The following ADAM12 variants were observed in gnomAD, a reference collection of about 807,000 sequenced individuals.
The protein encoded by ADAM12 is disintegrin and metalloproteinase domain-containing protein 12.
In ADAM12, 70 loss-of-function variants were observed where a neutral mutation model predicts 106.4. That is an observed-to-expected ratio of 0.66 (90% CI 0.54 to 0.80). The LOEUF is 0.80. ADAM12 is among the 30% of genes least tolerant of loss of function. The probability of loss-of-function intolerance (pLI) is 0.00; values close to 1 mark genes in which losing one functional copy is unlikely to be tolerated. For missense variants in ADAM12, 1,010 were observed against 1,171.9 expected (o/e 0.86, Z 2.02); for synonymous variants, 420 against 433.5 (o/e 0.97, Z 0.39).
At chr10:126,117,967 G>A in intron 6 of ADAM12, 71 bp downstream of exon 6, 1 of 1,523,576 alleles carries the variant, frequency 6.6e-7, no homozygotes, top group Non-Finnish European at 9.0e-7. Flanking sequence ...TTCTCCAGAT[G>A]TCCTAGTGTG....
At chr10:126,227,881 G>C (rs534473279) in intron 3 of ADAM12, among the ~76,000 whole-genome samples, 1 of 152,176 alleles carries the variant, frequency 6.6e-6, no homozygotes, top group Non-Finnish European at 1.5e-5. Context: ...AGTGAGGAGG[G>C]AGCTGAGTCA....
chr10:126,129,988 T>C (rs768642629), intron 5 of ADAM12, among the ~76,000 whole-genome samples: 2 of 152,194 alleles, frequency 1.3e-5, no homozygotes, highest in African/African-American at 4.8e-5. Flanking sequence ...TGTGATCCTG[T>C]GTTTTTGAAG....
chr10:126,016,107 A>G lies in ADAM12; in HGVS notation c.*1172T>C, dbSNP rs1043324724. On this transcript the variant is annotated 3_prime_UTR_variant, in exon 23 of 23. Transcript: ENST00000448723. ...AAGATTCCTGCAGCCAAGTTGGAAA[A>G]AGAGGATGCCCCATAGAGAAGGTTC... 3 of 152,196 alleles carry G rather than the reference A, an allele frequency of 2.0e-5. No individual in the cohort carries two copies. The highest frequency in any genetic ancestry group is 7.2e-5 in the African/African-American group (3 of 41,448). 9.4% of individuals were successfully genotyped at this position (152,196 alleles called of 1,614,324 possible).
chr10:126,135,699 C>T, intron 4 of ADAM12, 39 bp from the exon 5 acceptor site: 1 of 1,573,024 alleles, frequency 6.4e-7, no homozygotes, highest in Non-Finnish European at 8.7e-7. Flanking sequence ...TCAGTTATAA[C>T]ACATTTTTGC....
Position 126,049,561 on chromosome 10 carries a change from C to T in ADAM12, c.1718G>A (p.Arg573Lys). Reference protein sequence around the residue: ...SKSSFAKCEMRDAKCGKIQCQ... With the variant: ...SKSSFAKCEMKDAKCGKIQCQ... ...TTGCCAGGATGTCTGGATTCCATAC[C>T]TCATCTCGCATTTGGCAAAGGAACT... The change falls in exon 15 of 23, where the codon AGA becomes AAA. Residue 573 changes from arginine to lysine, a missense_variant and splice_region_variant. Arg to Lys is a conservative substitution (Grantham distance 26, BLOSUM62 2). This residue lies in a region of ADAM12 where 615 missense variants were observed against 708.5 expected (regional missense o/e 0.87). Coordinates refer to ENST00000448723, the MANE Select transcript of ADAM12 (RefSeq NM_001288973.2). This position sits in a 1 kb window ranked among gnomAD's most constrained non-coding sequence, Gnocchi z 4.4. The T allele has an allele frequency of 6.2e-7, 1 of 1,614,146 alleles. No individual in the cohort carries two copies. The highest frequency in any genetic ancestry group is 8.5e-7 in the Non-Finnish European group (1 of 1,179,998).
intron 3 of ADAM12, 143 bp downstream of exon 3, chr10:126,278,768 GTTAA>G (rs2133753524): frequency 1.7e-6 from 1 of 583,560 alleles, no homozygotes; most frequent in South Asian, 2.8e-5. Flanking sequence ...ATTTTTTAAA[GTTAA>G]TTCTCACCTC....
At chr10:126,151,716 TA>T (rs1177218829) in intron 4 of ADAM12, among the ~76,000 whole-genome samples, 1 of 151,956 alleles carries the variant, frequency 6.6e-6, no homozygotes, top group Non-Finnish European at 1.5e-5. Context: ...TTTTTGTCAG[TA>T]AATATTAAAA....
intron 14 of ADAM12, among the ~76,000 whole-genome samples, chr10:126,054,125 C>T (rs1954574437): frequency 1.3e-5 from 2 of 152,160 alleles, no homozygotes; most frequent in African/African-American, 4.8e-5. Context: ...GTTCAAGTAC[C>T]CACTCTTCCA....
chr10:126,133,894 AC>A (rs1956356007), intron 5 of ADAM12, among the ~76,000 whole-genome samples: 1 of 151,544 alleles, frequency 6.6e-6, no homozygotes, highest in Non-Finnish European at 1.5e-5. Flanking sequence ...CTCCTTCCGA[AC>A]CTCCCTGACT....
chr10:126,270,604 TG>T (rs991276646), intron 3 of ADAM12, among the ~76,000 whole-genome samples: 22 of 152,310 alleles, frequency 1.4e-4, no homozygotes, highest in Middle Eastern at 3.4e-3. Context: ...TAGCAGAATG[TG>T]TTAAAAATAT....
At chr10:126,356,574 T>A (rs1855549583) in intron 1 of ADAM12, among the ~76,000 whole-genome samples, 1 of 152,072 alleles carries the variant, frequency 6.6e-6, no homozygotes, top group South Asian at 2.1e-4. Context: ...TGCAAGAACA[T>A]AGCATTACAA....
intron 11 of ADAM12, among the ~76,000 whole-genome samples, chr10:126,077,912 C>T (rs780433097): frequency 2.0e-5 from 3 of 152,104 alleles, no homozygotes; most frequent in Non-Finnish European, 4.4e-5. Context: ...AGACACAGAA[C>T]TAAGTATGGA....
chr10:126,125,323 C>A (rs113483232), intron 5 of ADAM12, among the ~76,000 whole-genome samples: 4,100 of 149,482 alleles, frequency 0.027, 70 homozygotes, highest in Middle Eastern at 0.062. Flanking sequence ...CAGCTCACTG[C>A]AACCTCTGAC....
At chr10:126,104,605 C>T (rs979538953) in intron 8 of ADAM12, among the ~76,000 whole-genome samples, 5 of 152,114 alleles carry the variant, frequency 3.3e-5, no homozygotes, top group Admixed American at 6.5e-5. Flanking sequence ...GCAAACTCCA[C>T]GATAGCTCCA....
chr10:126,077,358 AAC>A (rs531867998), intron 11 of ADAM12, among the ~76,000 whole-genome samples: 63 of 152,188 alleles, frequency 4.1e-4, no homozygotes, highest in Non-Finnish European at 6.9e-4. Flanking sequence ...CAATGTAAAT[AAC>A]AATGTAATTT....
chr10:126,385,660 AT>A (rs1051561394), intron 1 of ADAM12, among the ~76,000 whole-genome samples: 1 of 151,592 alleles, frequency 6.6e-6, no homozygotes, highest in African/African-American at 2.4e-5. Context: ...CAAACATTGA[AT>A]TTTTTTTTAA....
Position 126,101,179 on chromosome 10 carries a change from G to A in ADAM12, c.804C>T (p.Asp268=), listed in dbSNP as rs966577896. ...LVGVEVWNDM[D]KCSVSQDPFT... ...ATGGGTCCTGACTTACAGAGCATTT[G>A]TCCATGTCATTCCACACTTCCACGC... Residue 268 remains aspartate (D), a synonymous_variant, in exon 9 of 23, where the codon GAC becomes GAT. Transcript: ENST00000448723. 3.7e-6 allele frequency: 6 copies of A among 1,614,120 alleles called. No individual in the cohort carries two copies. The highest frequency in any genetic ancestry group is 5.1e-6 in the Non-Finnish European group (6 of 1,180,002).
intron 3 of ADAM12, among the ~76,000 whole-genome samples, chr10:126,219,851 G>A (rs1174357296): frequency 1.3e-5 from 2 of 152,130 alleles, no homozygotes; most frequent in African/African-American, 4.8e-5. Context: ...TCAGTTTGTA[G>A]GCAAAATAGG....
At chr10:126,375,102 A>G (rs1856236823) in intron 1 of ADAM12, among the ~76,000 whole-genome samples, 1 of 152,150 alleles carries the variant, frequency 6.6e-6, no homozygotes, top group South Asian at 2.1e-4. Context: ...GGTTATCCAT[A>G]CATACCTAGA....
Sources: allele counts gnomAD v4.1 joint callset (sites outside exome capture counted in the v4.1 genomes callset), GRCh38; gene constraint gnomAD v4.1.1; regional missense constraint gnomAD v4.1.1; non-coding constraint Gnocchi (gnomAD v3.1); transcripts MANE v1.5; gene names NCBI Gene and HGNC (gene_info 2026-07-23, HGNC 2026-07-21).